Variants in NYAP2 observed in about 807,000 individuals in gnomAD.
The protein encoded by NYAP2 is neuronal tyrosine-phosphorylated phosphoinositide-3-kinase adapter 2.
Under a neutral mutation model 50.4 loss-of-function variants are expected in NYAP2, and 23 were observed. That is an observed-to-expected ratio of 0.46 (90% CI 0.33 to 0.65). The LOEUF is 0.65. Ranked by LOEUF, NYAP2 falls within the 30% of genes least tolerant of loss-of-function variation. The pLI is 0.02. For missense variants in NYAP2, 885 were observed against 861.0 expected (o/e 1.03, Z -0.35); for synonymous variants, 394 against 365.2 (o/e 1.08, Z -0.90).
intron 2 of NYAP2, among the ~76,000 whole-genome samples, chr2:225,401,791 T>C (rs1263252139): frequency 2.0e-5 from 3 of 152,054 alleles, no homozygotes; most frequent in Non-Finnish European, 2.9e-5. Flanking sequence ...TATTTTTCAC[T>C]ATCATTGGGA....
chr2:225,601,032 A>G (rs1311185104), intron 5 of NYAP2, among the ~76,000 whole-genome samples: 1 of 152,132 alleles, frequency 6.6e-6, no homozygotes, highest in East Asian at 1.9e-4. Flanking sequence ...TGAGTGGTGT[A>G]TGATAATCTG....
exon 3 of NYAP2, chr2:225,408,889 C>T: frequency 6.2e-7 from 1 of 1,605,814 alleles, no homozygotes; most frequent in South Asian, 1.1e-5. Flanking sequence ...ACATGATATC[C>T]TCCAAGATGA....
At chr2:225,473,777 G>A (rs1484850618) in intron 3 of NYAP2, among the ~76,000 whole-genome samples, 1 of 152,142 alleles carries the variant, frequency 6.6e-6, no homozygotes, top group East Asian at 1.9e-4. Flanking sequence ...CACTCTGATG[G>A]TAGTTTCTTT....
intron 3 of NYAP2, among the ~76,000 whole-genome samples, chr2:225,489,813 T>G (rs2106170225): frequency 6.6e-6 from 1 of 152,284 alleles, no homozygotes; most frequent in Non-Finnish European, 1.5e-5. Context: ...AATACCAGTG[T>G]CCTGGGACCT....
chr2:225,680,375 C>CA, the NYAP2 span, among the ~76,000 whole-genome samples: 3,064 of 152,160 alleles, frequency 0.02, 103 homozygotes, highest in African/African-American at 0.069. Flanking sequence ...AAAGGGGTTG[C>CA]AATCTTATAG....
intron 3 of NYAP2, among the ~76,000 whole-genome samples, chr2:225,482,230 C>T (rs1193832707): frequency 6.6e-6 from 1 of 152,078 alleles, no homozygotes; most frequent in African/African-American, 2.4e-5. Flanking sequence ...ATTATAAAAA[C>T]ATCTTCCTAT....
chr2:225,508,694 C>T (rs1329015604), intron 3 of NYAP2, among the ~76,000 whole-genome samples: 3 of 152,168 alleles, frequency 2.0e-5, no homozygotes, highest in Non-Finnish European at 4.4e-5. Context: ...TTGACCAGTG[C>T]AACAGGGAAA....
At chr2:225,688,876 G>T in the NYAP2 span, among the ~76,000 whole-genome samples, 1 of 152,020 alleles carries the variant, frequency 6.6e-6, no homozygotes, top group Admixed American at 6.6e-5. Flanking sequence ...CCGAGTAGCC[G>T]GGATTACAGG....
chr2:225,502,727 G>C (rs1019400400), intron 3 of NYAP2, among the ~76,000 whole-genome samples: 3 of 152,148 alleles, frequency 2.0e-5, no homozygotes, highest in Admixed American at 6.5e-5. Context: ...TTCCCATGGG[G>C]CTTCCCAGCC....
At chr2:225,566,188 T>A (rs1691958956) in intron 4 of NYAP2, among the ~76,000 whole-genome samples, 1 of 152,204 alleles carries the variant, frequency 6.6e-6, no homozygotes, top group Non-Finnish European at 1.5e-5. Context: ...TAGTGGCTAT[T>A]ATTATGCATT....
At chr2:225,672,897 G>A in the NYAP2 span, among the ~76,000 whole-genome samples, 2 of 151,966 alleles carry the variant, frequency 1.3e-5, no homozygotes, top group Admixed American at 6.6e-5. Flanking sequence ...GGCATGGTTC[G>A]TGGTGCCCCC....
the NYAP2 span, among the ~76,000 whole-genome samples, chr2:225,697,283 C>T: frequency 6.6e-6 from 1 of 152,080 alleles, no homozygotes; most frequent in Admixed American, 6.6e-5. Flanking sequence ...ACCGAGCTTT[C>T]TTCTGGTAAC....
chr2:225,700,122 G>A, the NYAP2 span: 1 of 151,798 alleles, frequency 6.6e-6, no homozygotes, highest in Non-Finnish European at 1.5e-5. Flanking sequence ...AATCTATATT[G>A]CTACAAACCT....
rs959229277 is a variant in NYAP2, at chr2:225,606,507, C to T, written c.1619-20410C>T. Among the ~76,000 whole-genome samples, 3 of 152,242 alleles carry T rather than the reference C, an allele frequency of 2.0e-5. No individual in the cohort carries two copies. The East Asian group carries it at 5.8e-4, about 29-fold the overall frequency. On this transcript the variant is annotated intron_variant, in intron 5 of 6. Transcript: ENST00000636099. The stretch of plus-strand genomic sequence containing the variant: ...GGATACATAAAAATGTTCTACATTA[C>T]ATCTTCCCAACCTATAAAATGTCTA...
chr2:225,694,099 A>C, the NYAP2 span, among the ~76,000 whole-genome samples: 2 of 152,208 alleles, frequency 1.3e-5, no homozygotes, highest in Non-Finnish European at 2.9e-5. Flanking sequence ...GTACTTACCT[A>C]CTTACGTATA....
intron 3 of NYAP2, among the ~76,000 whole-genome samples, chr2:225,421,538 C>A (rs1224703326): frequency 4.6e-5 from 7 of 152,196 alleles, no homozygotes; most frequent in Non-Finnish European, 1.5e-5. Context: ...ACTCTTCTCT[C>A]AGGAGTAGAG....
At chr2:225,404,409 T>C (rs1483241084) in intron 2 of NYAP2, among the ~76,000 whole-genome samples, 2 of 152,026 alleles carry the variant, frequency 1.3e-5, no homozygotes, top group African/African-American at 4.8e-5. Context: ...GTGTATATAA[T>C]GGGTAGTTTT....
At chr2:225,690,430 T>G in the NYAP2 span, among the ~76,000 whole-genome samples, 1 of 152,112 alleles carries the variant, frequency 6.6e-6, no homozygotes, top group African/African-American at 2.4e-5. Flanking sequence ...TATGTTGTTG[T>G]CCAAATTATG....
intron 3 of NYAP2, among the ~76,000 whole-genome samples, chr2:225,409,541 C>A (rs1694997559): frequency 6.6e-6 from 1 of 152,008 alleles, no homozygotes; most frequent in Admixed American, 6.6e-5. Context: ...ATTATACTTA[C>A]GTGAGCCTCT....
Sources: gnomAD v4.1 joint callset for allele counts (sites outside exome capture counted in the v4.1 genomes callset) on GRCh38, gnomAD v4.1.1 for gene constraint, MANE v1.5 for transcripts, NCBI Gene and HGNC (gene_info 2026-07-23, HGNC 2026-07-21) for gene names.